STK3: variants seen among roughly 807,000 people sequenced by gnomAD.
STK3 encodes serine/threonine kinase 3.
In STK3, 41 loss-of-function variants were observed where a neutral mutation model predicts 58.0. The ratio of observed to expected loss-of-function variants is 0.71; its 90% CI spans 0.55 to 0.92. The LOEUF is 0.92. Ranked by LOEUF, STK3 falls within the 40% of genes least tolerant of loss-of-function variation. STK3 has a pLI of 0.00. For synonymous variants in STK3, 170 were observed against 191.0 expected (o/e 0.89, Z 0.91); for missense variants, 479 against 602.7 (o/e 0.79, Z 2.15).
intron 6 of STK3, among the ~76,000 whole-genome samples, chr8:98,670,776 C>T (rs574957300): frequency 6.6e-6 from 1 of 152,236 alleles, no homozygotes; most frequent in African/African-American, 2.4e-5. Context: ...GACCCAACTT[C>T]GAGTGAGAGA....
At chr8:98,562,065 T>G (rs1484576902) in intron 8 of STK3, among the ~76,000 whole-genome samples, 2 of 152,098 alleles carry the variant, frequency 1.3e-5, no homozygotes, top group Non-Finnish European at 2.9e-5. Flanking sequence ...CCTTGGTTAG[T>G]AGGAATATAA....
At chr8:98,797,015 A>G (rs1288613054) in intron 1 of STK3, among the ~76,000 whole-genome samples, 1 of 152,240 alleles carries the variant, frequency 6.6e-6, no homozygotes, top group Non-Finnish European at 1.5e-5. Context: ...CCAGTCCCTA[A>G]CAAGAAAGTC....
intron 1 of STK3, among the ~76,000 whole-genome samples, chr8:98,926,501 C>T (rs1469347807): frequency 6.6e-6 from 1 of 151,966 alleles, no homozygotes; most frequent in Non-Finnish European, 1.5e-5. Context: ...GTGCCCTGGG[C>T]TAAGACATTG....
chr8:98,799,325 T>C (rs1833370344), intron 1 of STK3, among the ~76,000 whole-genome samples: 1 of 151,622 alleles, frequency 6.6e-6, no homozygotes, highest in African/African-American at 2.4e-5. Context: ...CAGCATAAGC[T>C]GCTGGCAGAG....
chr8:98,736,480 A>G (rs1828607715), intron 4 of STK3, among the ~76,000 whole-genome samples: 1 of 152,232 alleles, frequency 6.6e-6, no homozygotes, highest in Non-Finnish European at 1.5e-5. Context: ...AGGAGGTAAT[A>G]CATAAACTCT....
intron 1 of STK3, among the ~76,000 whole-genome samples, chr8:98,810,343 C>G (rs908162762): frequency 2.0e-5 from 3 of 152,158 alleles, no homozygotes; most frequent in Non-Finnish European, 4.4e-5. Flanking sequence ...AATTGCTACA[C>G]TGTTTCCCAC....
At chr8:98,699,347 C>T (rs1230833459) in intron 6 of STK3, among the ~76,000 whole-genome samples, 1 of 152,178 alleles carries the variant, frequency 6.6e-6, no homozygotes, top group Non-Finnish European at 1.5e-5. Context: ...CGTCTGAAGC[C>T]TTCTTCTCTC....
chr8:98,706,425 T>C (rs776097523), intron 6 of STK3, 42 bp downstream of exon 6: 1 of 1,553,770 alleles, frequency 6.4e-7, no homozygotes, highest in South Asian at 1.3e-5. Context: ...ACGGCAACAC[T>C]TATATAAGGC....
chr8:98,457,561 T>C (rs556830459), intron 10 of STK3, among the ~76,000 whole-genome samples: 1 of 152,360 alleles, frequency 6.6e-6, no homozygotes, highest in African/African-American at 2.4e-5. Context: ...TTCTAAATCA[T>C]GTACTATTTT....
In STK3 at chr8:98,504,062, A is replaced by G. The variant is rs562961766; in HGVS notation, c.1317+22680T>C. 1.5e-3 allele frequency among the ~76,000 whole-genome samples: 222 copies of G among 152,264 alleles called. 1 individual carries two copies. The highest frequency in any genetic ancestry group is 3.4e-3 in the Middle Eastern group (1 of 294). Reference sequence around the variant, plus strand: ...CTCTAAGGACTTGCTTTATGAATCTAGGTGCCCCTGCATTGGGTGGTACAT... The same window carrying G: ...CTCTAAGGACTTGCTTTATGAATCTGGGTGCCCCTGCATTGGGTGGTACAT... On this transcript the variant is annotated intron_variant, in intron 10 of 10. Transcript: ENST00000419617.
intron 1 of STK3, among the ~76,000 whole-genome samples, chr8:98,893,480 A>AG (rs1838307598): frequency 4.4e-5 from 3 of 68,556 alleles, no homozygotes; most frequent in African/African-American, 1.9e-4. Context: ...GAAAGAAAGA[A>AG]AGAAAGAGAA....
At chr8:98,475,904 TTGAC>T (rs747678081) in intron 10 of STK3, among the ~76,000 whole-genome samples, 13 of 152,240 alleles carry the variant, frequency 8.5e-5, no homozygotes, top group Non-Finnish European at 1.3e-4. Flanking sequence ...GCACCATTCA[TTGAC>T]TGAACTGTTA....
chr8:98,905,669 A>C, intron 1 of STK3: 2 of 746,926 alleles, frequency 2.7e-6, no homozygotes, highest in South Asian at 2.7e-5. Context: ...CAGCTTCATC[A>C]TCCGGACAAG....
intron 3 of STK3, among the ~76,000 whole-genome samples, chr8:98,864,533 G>A (rs1048844242): frequency 6.6e-6 from 1 of 152,160 alleles, no homozygotes; most frequent in Non-Finnish European, 1.5e-5. Context: ...AGATTCCTGA[G>A]TACTTCCATT....
At chr8:98,833,416 T>C (rs562580540) in intron 3 of STK3, among the ~76,000 whole-genome samples, 7 of 152,222 alleles carry the variant, frequency 4.6e-5, no homozygotes, top group African/African-American at 9.6e-5. Flanking sequence ...AGATGGTAAA[T>C]GTCTCTTATC....
intron 10 of STK3, among the ~76,000 whole-genome samples, chr8:98,510,552 T>C (rs1163472896): frequency 6.6e-6 from 1 of 152,084 alleles, no homozygotes; most frequent in Non-Finnish European, 1.5e-5. Context: ...TTTTCCACTA[T>C]TAATAATTTC....
intron 10 of STK3, among the ~76,000 whole-genome samples, chr8:98,473,690 C>G (rs1821093486): frequency 6.6e-6 from 1 of 152,142 alleles, no homozygotes; most frequent in African/African-American, 2.4e-5. Context: ...GTACTTGATA[C>G]TTTGTCCACA....
At chr8:98,714,148 C>A (rs1365345516) in intron 4 of STK3, among the ~76,000 whole-genome samples, 1 of 152,160 alleles carries the variant, frequency 6.6e-6, no homozygotes, top group Middle Eastern at 3.2e-3. Context: ...TAGGAGCTAT[C>A]TATGACAAAC....
In STK3 at chr8:98,904,853, G is replaced by A. The variant is rs537188785; in HGVS notation, c.-78-21019C>T. The A allele has an allele frequency of 9.8e-5, 66 of 672,656 alleles. No homozygotes were observed. The African/African-American group carries it at 1.0e-3, about 11-fold the overall frequency. 41.7% of individuals were successfully genotyped at this position (672,656 alleles called of 1,614,324 possible). On this transcript the variant is annotated intron_variant, in intron 1 of 1. Coordinates refer to the STK3 transcript ENST00000519420. The stretch of plus-strand genomic sequence containing the variant: ...AACTTGGCAATAGGTATCTGTCTTA[G>A]GGATTAGCAGAAGTAGAGTTGAGGT...
Sources: allele counts gnomAD v4.1 joint callset (sites outside exome capture counted in the v4.1 genomes callset), GRCh38; gene constraint gnomAD v4.1.1; transcripts MANE v1.5; gene names NCBI Gene and HGNC (gene_info 2026-07-23, HGNC 2026-07-21).